SKAP2: variants seen among roughly 807,000 people sequenced by gnomAD.
SKAP2 encodes the protein src kinase associated phosphoprotein 2, also known as src kinase-associated phosphoprotein 2.
Under a neutral mutation model 54.9 loss-of-function variants are expected in SKAP2, and 28 were observed. That is an observed-to-expected ratio of 0.51 (90% confidence interval 0.38 to 0.70). The LOEUF is 0.70. Ranked by LOEUF, SKAP2 falls within the 30% of genes least tolerant of loss-of-function variation. The pLI is 0.00. For missense variants in SKAP2, 356 were observed against 424.1 expected, an observed-to-expected ratio of 0.84 and a Z score of 1.41; for synonymous variants, 137 against 134.3, an observed-to-expected ratio of 1.02 and a Z score of -0.14.
At chr7:26,858,865 C>T (rs902704851) in intron 1 of SKAP2, among the ~76,000 whole-genome samples, 1 of 152,238 alleles carries the variant, frequency 6.6e-6, no homozygotes, top group African/African-American at 2.4e-5. Flanking sequence ...GGCCACTTGT[C>T]CTCACCACCC....
intron 11 of SKAP2, among the ~76,000 whole-genome samples, chr7:26,681,813 C>G (rs1786508178): frequency 6.6e-6 from 1 of 152,092 alleles, no homozygotes; most frequent in South Asian, 2.1e-4. Flanking sequence ...TGTATTCTTC[C>G]TTATATATAC....
At chr7:26,799,231 T>C (rs1419786426) in intron 4 of SKAP2, among the ~76,000 whole-genome samples, 2 of 151,588 alleles carry the variant, frequency 1.3e-5, no homozygotes, top group African/African-American at 2.4e-5. Context: ...TACCATTGAA[T>C]GTAAATGGAT....
chr7:26,734,368 C>A (rs1357283884), intron 6 of SKAP2, among the ~76,000 whole-genome samples: 1 of 152,176 alleles, frequency 6.6e-6, no homozygotes, highest in East Asian at 1.9e-4. Context: ...AAGGTTCTTA[C>A]CAACCTGGTC....
intron 4 of SKAP2, among the ~76,000 whole-genome samples, chr7:26,795,327 T>C (rs1005321782): frequency 2.6e-5 from 4 of 152,232 alleles, no homozygotes; most frequent in Non-Finnish European, 4.4e-5. Flanking sequence ...TGGATGAACA[T>C]ACTAAGTGTT....
chr7:26,841,418 C>G (rs1477344186), intron 4 of SKAP2, among the ~76,000 whole-genome samples: 1 of 151,880 alleles, frequency 6.6e-6, no homozygotes, highest in East Asian at 1.9e-4. Flanking sequence ...TGTTTTCATC[C>G]CCATTCAATT....
At position 26,802,517 on chromosome 7, in the gene SKAP2, C is replaced by T. The variant is rs185533920; in HGVS notation, c.307+41513G>A. On this transcript the variant is annotated intron_variant, in intron 4 of 12. Coordinates refer to ENST00000345317, the MANE Select transcript of SKAP2 (RefSeq NM_003930.5). Reference sequence around the variant, plus strand: ...AGCTCCCGACCTCAGGTGATCTGCCCGCCTCAGCCTCCCAAAGTGTTGGGA... The same window carrying T: ...AGCTCCCGACCTCAGGTGATCTGCCTGCCTCAGCCTCCCAAAGTGTTGGGA... 5.8e-3 allele frequency among the ~76,000 whole-genome samples: 879 copies of T among 152,092 alleles called. 9 individuals are homozygous for T. The highest frequency in any genetic ancestry group is 0.019 in the African/African-American group (801 of 41,528).
chr7:26,701,138 G>A (rs113269332), intron 9 of SKAP2, among the ~76,000 whole-genome samples: 3,565 of 152,218 alleles, frequency 0.023, 72 homozygotes, highest in Non-Finnish European at 0.036. Context: ...ACCTAAACAA[G>A]CCTGGAACAA....
intron 4 of SKAP2, among the ~76,000 whole-genome samples, chr7:26,818,182 A>C (rs897796658): frequency 6.6e-6 from 1 of 152,204 alleles, no homozygotes; most frequent in African/African-American, 2.4e-5. Context: ...ACCTGACTTC[A>C]AACTATACTA....
chr7:26,803,934 T>C (rs760572000), intron 4 of SKAP2, among the ~76,000 whole-genome samples: 2 of 152,000 alleles, frequency 1.3e-5, no homozygotes, highest in Non-Finnish European at 2.9e-5. Context: ...ACTGAACTCA[T>C]AGACACGGAG....
chr7:26,779,803 G>A (rs926510212), intron 4 of SKAP2, among the ~76,000 whole-genome samples: 3 of 151,928 alleles, frequency 2.0e-5, no homozygotes. Flanking sequence ...TAAAAAACAA[G>A]TAATTTGTGT....
At chr7:26,766,504 C>A (rs1215261521) in intron 4 of SKAP2, among the ~76,000 whole-genome samples, 1 of 152,148 alleles carries the variant, frequency 6.6e-6, no homozygotes, top group African/African-American at 2.4e-5. Flanking sequence ...ACTTTGAATA[C>A]TATGTTGAAT....
At chr7:26,822,932 A>G (rs1028514906) in intron 4 of SKAP2, among the ~76,000 whole-genome samples, 3 of 152,102 alleles carry the variant, frequency 2.0e-5, no homozygotes, top group Non-Finnish European at 1.5e-5. Flanking sequence ...CAAGTGAAAG[A>G]AAGAGTTCCA....
chr7:26,729,264 T>C (rs1787772952), intron 6 of SKAP2, among the ~76,000 whole-genome samples: 1 of 152,042 alleles, frequency 6.6e-6, no homozygotes, highest in South Asian at 2.1e-4. Context: ...ACAAATCCAA[T>C]TTATAGGTAA....
At chr7:26,741,009 A>C (rs556999329) in intron 4 of SKAP2, among the ~76,000 whole-genome samples, 5 of 152,214 alleles carry the variant, frequency 3.3e-5, no homozygotes, top group African/African-American at 1.2e-4. Flanking sequence ...AAAGAAATAT[A>C]ATAGTTATCC....
intron 1 of SKAP2, 168 bp from the exon 2 acceptor site, chr7:26,855,058 A>C: frequency 2.1e-6 from 1 of 481,248 alleles, no homozygotes; most frequent in East Asian, 3.5e-5. Context: ...TCAAATACTA[A>C]GTTGAACAAA....
intron 4 of SKAP2, among the ~76,000 whole-genome samples, chr7:26,778,088 G>C (rs2127977336): frequency 6.6e-6 from 1 of 151,564 alleles, no homozygotes; most frequent in Non-Finnish European, 1.5e-5. Context: ...TGAGACCTAA[G>C]TCAGAACACT....
chr7:26,681,668 C>T (rs966481396), intron 11 of SKAP2, among the ~76,000 whole-genome samples: 7 of 152,098 alleles, frequency 4.6e-5, no homozygotes, highest in South Asian at 4.1e-4. Flanking sequence ...GAGTCCATTA[C>T]TAAAAGAAAG....
the SKAP2 span, among the ~76,000 whole-genome samples, chr7:26,658,830 A>C: frequency 1.2e-4 from 15 of 128,992 alleles, no homozygotes; most frequent in East Asian, 5.2e-4. Flanking sequence ...CCCACCCCCC[A>C]CCCCCCCACC....
chr7:26,729,348 A>C (rs1166362201), intron 6 of SKAP2, among the ~76,000 whole-genome samples: 1 of 152,192 alleles, frequency 6.6e-6, no homozygotes, highest in East Asian at 1.9e-4. Flanking sequence ...ATGCCATAAA[A>C]ATATTATGTA....
Sources: allele counts gnomAD v4.1 joint callset (sites outside exome capture counted in the v4.1 genomes callset), GRCh38; gene constraint gnomAD v4.1.1; transcripts MANE v1.5; gene names NCBI Gene and HGNC (gene_info 2026-07-23, HGNC 2026-07-21).